TSHR: variants seen among roughly 807,000 people sequenced by gnomAD.
The protein encoded by TSHR is thyrotropin receptor.
In TSHR, 51 loss-of-function variants were observed where a neutral mutation model predicts 64.1. The ratio of observed to expected loss-of-function variants is 0.80; its 90% CI spans 0.64 to 1.01. The LOEUF (loss-of-function observed/expected upper bound fraction) is 1.01, where lower values mean the gene tolerates loss of function less well. Ranked by LOEUF, TSHR falls within the 50% of genes least tolerant of loss-of-function variation. The pLI, the probability that TSHR is intolerant of heterozygous loss-of-function variation, is 0.00. For synonymous variants in TSHR, 361 were observed against 361.9 expected, an observed-to-expected ratio of 1.00 and a Z score of 0.03; for missense variants, 877 against 942.8, an observed-to-expected ratio of 0.93 and a Z score of 0.91.
chr14:81,054,565 C>T (rs1009528450), intron 1 of TSHR, among the ~76,000 whole-genome samples: 9 of 152,104 alleles, frequency 5.9e-5, no homozygotes, highest in African/African-American at 2.2e-4. Flanking sequence ...CTGACAATGA[C>T]ATGGACAATG....
At chr14:81,022,553 T>G (rs1165515631) in intron 1 of TSHR, among the ~76,000 whole-genome samples, 1 of 152,124 alleles carries the variant, frequency 6.6e-6, no homozygotes, top group Non-Finnish European at 1.5e-5. Context: ...CCGGGCACGG[T>G]GGCTCACACC....
intron 1 of TSHR, among the ~76,000 whole-genome samples, chr14:81,006,398 T>C (rs1889606778): frequency 6.6e-6 from 1 of 152,238 alleles, no homozygotes; most frequent in Admixed American, 6.5e-5. Context: ...CACATGGTTT[T>C]GTCTCTGTCC....
chr14:81,107,828 A>G (rs1052876149), intron 7 of TSHR, among the ~76,000 whole-genome samples: 2 of 152,212 alleles, frequency 1.3e-5, no homozygotes, highest in South Asian at 2.1e-4. Flanking sequence ...CTAAAAAATT[A>G]TTCATTGTTT....
chr14:80,991,950 A>G lies in TSHR; in HGVS notation c.170+36100A>G, dbSNP rs1174213858. 9 of 206,882 alleles carry G rather than the reference A, an allele frequency of 4.4e-5. 1 individual carries two copies. In the Admixed American group the frequency reaches 5.3e-4, roughly 12 times the overall value. The allele number at this position is 206,882 out of a possible 1,614,324, so 12.8% of individuals were successfully genotyped here. The stretch of plus-strand genomic sequence containing the variant: ...AATCACTTTGTTCTGGTTTACTTTA[A>G]AAGGATAAAAGGTGCTTTTCATTTG... On this transcript the variant is annotated intron_variant, in intron 1 of 9. Transcript: ENST00000298171.
At chr14:80,988,156 A>T (rs2139735208) in intron 1 of TSHR, among the ~76,000 whole-genome samples, 1 of 152,302 alleles carries the variant, frequency 6.6e-6, no homozygotes, top group Admixed American at 6.5e-5. Flanking sequence ...CATTGGGTAA[A>T]AATTTAAACA....
chr14:81,101,056 G>T (rs2140010760), intron 7 of TSHR, among the ~76,000 whole-genome samples: 1 of 152,252 alleles, frequency 6.6e-6, no homozygotes, highest in South Asian at 2.1e-4. Context: ...GCTATCTAGG[G>T]ATTGACAGTC....
chr14:81,091,543 A>C (rs1309142391), intron 5 of TSHR, among the ~76,000 whole-genome samples: 1 of 152,250 alleles, frequency 6.6e-6, no homozygotes, highest in East Asian at 1.9e-4. Context: ...TTTAAATGGA[A>C]GAAATTATGC....
At chr14:81,071,377 CTTCT>C (rs1484565479) in intron 3 of TSHR, among the ~76,000 whole-genome samples, 1 of 152,104 alleles carries the variant, frequency 6.6e-6, no homozygotes, top group East Asian at 1.9e-4. Flanking sequence ...AATTGTCATA[CTTCT>C]TTCTAAGTCT....
At chr14:80,959,530 T>A (rs914023258) in intron 1 of TSHR, 4 of 152,180 alleles carry the variant, frequency 2.6e-5, no homozygotes, top group Non-Finnish European at 5.9e-5. Flanking sequence ...CACCACTCTA[T>A]GTATTTGTGT....
At chr14:81,105,221 G>T in intron 7 of TSHR, 1 of 985,370 alleles carries the variant, frequency 1.0e-6, no homozygotes, top group African/African-American at 1.7e-5. Context: ...CAAGGAATCA[G>T]TTTAACTAGA....
At chr14:81,073,730 G>C (rs559191651) in intron 3 of TSHR, among the ~76,000 whole-genome samples, 1 of 152,048 alleles carries the variant, frequency 6.6e-6, no homozygotes, top group African/African-American at 2.4e-5. Context: ...AGAAAAGAAG[G>C]TTAAAAATAA....
chr14:81,112,281 AT>A (rs1165417537), intron 8 of TSHR, among the ~76,000 whole-genome samples: 7 of 152,240 alleles, frequency 4.6e-5, no homozygotes, highest in Non-Finnish European at 7.3e-5. Flanking sequence ...AGACATTATT[AT>A]GATTATTTTC....
chr14:80,962,836 C>T (rs1887104740), intron 1 of TSHR, among the ~76,000 whole-genome samples: 1 of 152,138 alleles, frequency 6.6e-6, no homozygotes, highest in Admixed American at 6.5e-5. Flanking sequence ...TGCATTGCTA[C>T]AATTATCTAC....
chr14:81,009,092 T>A (rs532555719), intron 1 of TSHR, among the ~76,000 whole-genome samples: 1 of 152,242 alleles, frequency 6.6e-6, no homozygotes, highest in Non-Finnish European at 1.5e-5. Flanking sequence ...CAGCTAATAA[T>A]CGCTTCAGTA....
chr14:81,143,166 C>A lies in TSHR; in HGVS notation c.1108C>A (p.Leu370Ile), dbSNP rs1891771840. Reference protein sequence around the residue: ...EDEIIGFGQELKNPQEETLQA... With the variant: ...EDEIIGFGQEIKNPQEETLQA... ...TGAGATCATTGGTTTTGGCCAGGAGCTCAAAAACCCCCAGGAAGAGACTCT... is the reference window on the plus strand; with the variant it reads ...TGAGATCATTGGTTTTGGCCAGGAGATCAAAAACCCCCAGGAAGAGACTCT... Residue 370 changes from leucine to isoleucine, a missense_variant, in exon 10 of 10, where the codon CTC (leucine) becomes ATC (isoleucine). Physicochemically the swap from Leu to Ile is conservative, Grantham distance 5. Transcript: ENST00000298171. 1 of 1,614,104 alleles carries A rather than the reference C, an allele frequency of 6.2e-7. No individual in the cohort carries two copies. Among genetic ancestry groups the A allele is most frequent in the Non-Finnish European group, 8.5e-7 (1 of 1,180,016 alleles).
chr14:81,018,958 A>AC (rs1883573837), intron 1 of TSHR, among the ~76,000 whole-genome samples: 1 of 152,208 alleles, frequency 6.6e-6, no homozygotes, highest in Non-Finnish European at 1.5e-5. Context: ...AAAGGTCAGG[A>AC]CCCTAGAGAC....
intron 3 of TSHR, among the ~76,000 whole-genome samples, chr14:81,072,383 T>C (rs758733682): frequency 2.6e-5 from 4 of 152,214 alleles, no homozygotes; most frequent in Non-Finnish European, 5.9e-5. Context: ...CTTTGAATTA[T>C]CTGAGAAGTG....
chr14:80,970,584 G>C (rs963584488), intron 1 of TSHR, among the ~76,000 whole-genome samples: 3 of 152,210 alleles, frequency 2.0e-5, no homozygotes, highest in African/African-American at 7.2e-5. Context: ...TATCTGTAGT[G>C]TTGTAAGACC....
rs144647629 is a variant in TSHR, at chr14:81,068,427, G to C, written c.317+99G>C. On this transcript the variant is annotated intron_variant, in intron 3 of 9. Transcript: ENST00000298171. Reference sequence around the variant, plus strand: ...GGCAATGGGAGCTGGTTTCTTGATTGTGAGTCAAAACTTCTGTTTATGATT... The same window carrying C: ...GGCAATGGGAGCTGGTTTCTTGATTCTGAGTCAAAACTTCTGTTTATGATT... The C allele has an allele frequency of 3.4e-3, 3,736 of 1,110,094 alleles. 24 individuals carry two copies. Among genetic ancestry groups the C allele is most frequent in the Non-Finnish European group, 3.5e-3 (2,587 of 735,676 alleles). 68.8% of individuals were successfully genotyped at this position (1,110,094 alleles called of 1,614,324 possible). A position where few individuals can be genotyped will look rare whatever the true frequency, so the allele number is the denominator to read the frequency against.
Sources: gnomAD v4.1 joint callset for allele counts (sites outside exome capture counted in the v4.1 genomes callset) on GRCh38, gnomAD v4.1.1 for gene constraint, MANE v1.5 for transcripts, NCBI Gene and HGNC (gene_info 2026-07-23, HGNC 2026-07-21) for gene names.